The following LRP1B variants were observed in gnomAD, a reference collection of about 807,000 sequenced individuals.
LRP1B encodes LDL receptor related protein 1B.
In LRP1B, 217 loss-of-function variants were observed where a neutral mutation model predicts 556.6. The ratio of observed to expected loss-of-function variants is 0.39; its 90% CI spans 0.35 to 0.44. The LOEUF (loss-of-function observed/expected upper bound fraction) is 0.44, where lower values mean the gene tolerates loss of function less well. Ranked by LOEUF, LRP1B falls within the 20% of genes least tolerant of loss-of-function variation. LRP1B has a pLI of 1.00. For missense variants in LRP1B, 5,053 were observed against 5,620.8 expected, an observed-to-expected ratio of 0.90 and a Z score of 3.23; for synonymous variants, 2,047 against 1,865.8, an observed-to-expected ratio of 1.10 and a Z score of -2.50.
At chr2:141,389,204 C>T (rs866728112) in intron 3 of LRP1B, among the ~76,000 whole-genome samples, 9 of 152,262 alleles carry the variant, frequency 5.9e-5, no homozygotes, top group Middle Eastern at 3.4e-3. Context: ...TTGGAGGACT[C>T]ATGTCCTGAT....
At chr2:142,128,951 T>C (rs1188879406) in intron 1 of LRP1B, among the ~76,000 whole-genome samples, 1 of 152,236 alleles carries the variant, frequency 6.6e-6, no homozygotes, top group Non-Finnish European at 1.5e-5. Flanking sequence ...GCAGTAGTTC[T>C]ATCCTCATAA....
At chr2:140,930,502 C>T (rs915604315) in intron 20 of LRP1B, among the ~76,000 whole-genome samples, 1 of 151,948 alleles carries the variant, frequency 6.6e-6, no homozygotes, top group African/African-American at 2.4e-5. Context: ...TTGCAAAAAT[C>T]ATACATATGA....
chr2:141,955,657 T>G (rs1156808362), intron 1 of LRP1B, among the ~76,000 whole-genome samples: 1 of 151,964 alleles, frequency 6.6e-6, no homozygotes, highest in East Asian at 1.9e-4. Flanking sequence ...TGAAGCTAGG[T>G]TATTTATTCC....
At chr2:141,162,770 T>C (rs1174705834) in intron 7 of LRP1B, among the ~76,000 whole-genome samples, 3 of 152,114 alleles carry the variant, frequency 2.0e-5, no homozygotes, top group South Asian at 2.1e-4. Flanking sequence ...CTTTCATAGA[T>C]AGTTTATCAG....
chr2:142,079,251 C>G (rs1436351361), intron 1 of LRP1B, among the ~76,000 whole-genome samples: 1 of 152,078 alleles, frequency 6.6e-6, no homozygotes, highest in Admixed American at 6.5e-5. Flanking sequence ...GATATAAGCA[C>G]TTTATGGATA....
rs1476685462 is a variant in LRP1B, at chr2:140,748,787, A to ATG, written c.5758+20425_5758+20426insCA. Among the ~76,000 whole-genome samples the ATG allele has an allele frequency of 1.1e-3, 53 of 46,132 alleles. 2 individuals are homozygous for ATG. The highest frequency in any genetic ancestry group is 1.5e-3 in the Admixed American group (6 of 3,934). The allele number at this position is 46,132 out of a possible 152,430, so 30.3% of individuals were successfully genotyped here. On this transcript the variant is annotated intron_variant, in intron 35 of 90. Transcript: ENST00000389484. The stretch of plus-strand genomic sequence containing the variant: ...TACATGTATATAATATGTATATAAT[A>ATG]TATATTATATACATATTATATACAT...
At chr2:141,147,862 C>A (rs967150694) in intron 7 of LRP1B, among the ~76,000 whole-genome samples, 1 of 152,052 alleles carries the variant, frequency 6.6e-6, no homozygotes, top group African/African-American at 2.4e-5. Flanking sequence ...TTTTCCTTTT[C>A]TTTTACCTTT....
chr2:142,041,989 G>C (rs1300747505), intron 1 of LRP1B, among the ~76,000 whole-genome samples: 1 of 151,390 alleles, frequency 6.6e-6, no homozygotes, highest in Non-Finnish European at 1.5e-5. Flanking sequence ...TTTATTATGG[G>C]TAAAATTAAA....
At chr2:140,851,515 G>T in intron 28 of LRP1B, 137 bp downstream of exon 28, 1 of 845,786 alleles carries the variant, frequency 1.2e-6, no homozygotes, top group Non-Finnish European at 1.8e-6. Context: ...GATGGAAATA[G>T]CACCACCACC....
chr2:141,644,099 G>T (rs1689455156), intron 2 of LRP1B, among the ~76,000 whole-genome samples: 1 of 150,772 alleles, frequency 6.6e-6, no homozygotes, highest in African/African-American at 2.4e-5. Context: ...CTACAACCTT[G>T]TTCTTTCAAT....
chr2:140,951,737 T>A, intron 19 of LRP1B, 123 bp downstream of exon 19: 1 of 686,476 alleles, frequency 1.5e-6, no homozygotes, highest in Non-Finnish European at 2.5e-6. Context: ...TCACCACTTG[T>A]TTTAGCCGTT....
In LRP1B at chr2:140,588,935, C is replaced by T. The variant is rs540950158; in HGVS notation, c.7194+9696G>A. ...AGACTGCACCACGCACTCCATCCAG[C>T]CTGGGCAACAGAACGAGACTCCGTC... On this transcript the variant is annotated intron_variant, in intron 43 of 90. Transcript: ENST00000389484. Among the ~76,000 whole-genome samples, 96 of 149,422 alleles carry T rather than the reference C, an allele frequency of 6.4e-4. 3 individuals carry two copies. The highest frequency in any genetic ancestry group is 6.4e-3 in the Admixed American group (96 of 14,952).
chr2:140,483,140 G>C (rs776138142), intron 59 of LRP1B, among the ~76,000 whole-genome samples: 1 of 152,094 alleles, frequency 6.6e-6, no homozygotes, highest in African/African-American at 2.4e-5. Flanking sequence ...GTTTCATAAA[G>C]AGATCCAACT....
chr2:140,775,327 C>T (rs773502041), intron 33 of LRP1B, among the ~76,000 whole-genome samples: 23 of 151,920 alleles, frequency 1.5e-4, no homozygotes, highest in Admixed American at 3.9e-4. Context: ...AGTCTACATA[C>T]CCCAAATCCT....
At chr2:141,891,403 T>G (rs1699286633) in intron 1 of LRP1B, among the ~76,000 whole-genome samples, 1 of 152,154 alleles carries the variant, frequency 6.6e-6, no homozygotes, top group Non-Finnish European at 1.5e-5. Context: ...GTCAACAGCA[T>G]TCCCTTATCT....
intron 60 of LRP1B, among the ~76,000 whole-genome samples, chr2:140,465,063 G>A (rs965675877): frequency 1.3e-5 from 2 of 152,112 alleles, no homozygotes; most frequent in African/African-American, 4.8e-5. Context: ...GGTTCTTCAA[G>A]GTTTACAAGC....
intron 2 of LRP1B, among the ~76,000 whole-genome samples, chr2:141,549,196 G>C (rs186570878): frequency 2.6e-5 from 4 of 152,264 alleles, no homozygotes; most frequent in Admixed American, 2.0e-4. Flanking sequence ...GAAGGTATAA[G>C]ATCTGGGGCA....
Position 140,671,195 on chromosome 2 carries a change from C to CT in LRP1B, c.6799+29054_6799+29055insA, listed in dbSNP as rs576869781. Among the ~76,000 whole-genome samples, 8 of 152,220 alleles carry CT rather than the reference C, an allele frequency of 5.3e-5. No homozygotes were observed. The South Asian group carries it at 1.7e-3, about 32-fold the overall frequency. ...GCTAAAACTAAGGTATATACAAGCC[C>CT]ATATTTCTTTTGAGGGCTCATTTAG... On this transcript the variant is annotated intron_variant, in intron 41 of 90. Transcript: ENST00000389484.
At chr2:141,114,321 T>A (rs1420970589) in intron 7 of LRP1B, among the ~76,000 whole-genome samples, 1 of 152,232 alleles carries the variant, frequency 6.6e-6, no homozygotes, top group Non-Finnish European at 1.5e-5. Context: ...TTTTACACCC[T>A]GCTCTCTTGG....
Sources: gnomAD v4.1 joint callset for allele counts (sites outside exome capture counted in the v4.1 genomes callset) on GRCh38, gnomAD v4.1.1 for gene constraint, MANE v1.5 for transcripts, NCBI Gene and HGNC (gene_info 2026-07-23, HGNC 2026-07-21) for gene names.